TCF7L1: variants seen among roughly 807,000 people sequenced by gnomAD.
TCF7L1 encodes transcription factor 7 like 1.
Under a neutral mutation model 63.7 loss-of-function variants are expected in TCF7L1, and 18 were observed. That is an observed-to-expected ratio of 0.28 (90% CI 0.20 to 0.42). The LOEUF (loss-of-function observed/expected upper bound fraction) is 0.42. Ranked by LOEUF, TCF7L1 falls within the 10% of genes least tolerant of loss-of-function variation. The probability of loss-of-function intolerance (pLI) is 1.00; values close to 1 mark genes in which losing one functional copy is unlikely to be tolerated. For missense variants in TCF7L1, 654 were observed against 779.3 expected, an observed-to-expected ratio of 0.84 and a Z score of 1.91; for synonymous variants, 355 against 340.9, an observed-to-expected ratio of 1.04 and a Z score of -0.46.
chr2:85,282,288 A>G (rs1346039712), intron 3 of TCF7L1, among the ~76,000 whole-genome samples: 1 of 152,150 alleles, frequency 6.6e-6, no homozygotes, highest in East Asian at 1.9e-4. Flanking sequence ...GCACCCAGCC[A>G]AAGACTTCTT....
chr2:85,178,817 GAC>G lies in TCF7L1; in HGVS notation c.441+44370_441+44371del, dbSNP rs1202689082. Reference sequence around the variant, plus strand: ...GACAGGCGGCAGGGCTGTGATTTTAGACACTCTTGTCTTAGGTGTCTCAAGGT... The same window carrying G: ...GACAGGCGGCAGGGCTGTGATTTTAGACTCTTGTCTTAGGTGTCTCAAGGT... On this transcript the variant is annotated intron_variant, in intron 3 of 11. Coordinates refer to ENST00000282111, the MANE Select transcript of TCF7L1 (RefSeq NM_031283.3). 4.6e-5 allele frequency among the ~76,000 whole-genome samples: 7 copies of G among 152,248 alleles called. No individual in the cohort carries two copies. In the East Asian group the frequency reaches 9.6e-4, roughly 21 times the overall value.
chr2:85,264,441 T>C (rs1411337171), intron 3 of TCF7L1, among the ~76,000 whole-genome samples: 1 of 152,062 alleles, frequency 6.6e-6, no homozygotes, highest in Non-Finnish European at 1.5e-5. Flanking sequence ...TGGTCAGTGA[T>C]TGGGTTTCAG....
At position 85,299,888 on chromosome 2, in the gene TCF7L1, C is replaced by CACACACACACACACACACACAT. The variant is rs1166355994; in HGVS notation, c.526-2580_526-2579insACACATACACACACACACACAC. Among the ~76,000 whole-genome samples, 77 of 151,524 alleles carry CACACACACACACACACACACAT rather than the reference C, an allele frequency of 5.1e-4. 1 individual carries two copies. In the Middle Eastern group the frequency reaches 0.014, roughly 27 times the overall value. On this transcript the variant is annotated intron_variant, in intron 4 of 11. Transcript: ENST00000282111. The stretch of plus-strand genomic sequence containing the variant: ...ACACACACACACACACACACACACA[C>CACACACACACACACACACACAT]ACACACACACACACACTGATGCCCA...
chr2:85,305,421 TG>T lies in TCF7L1; in HGVS notation c.989+20del. 1 of 1,592,886 alleles carries T rather than the reference TG, an allele frequency of 6.3e-7. No homozygotes were observed. The highest frequency in any genetic ancestry group is 8.6e-7 in the Non-Finnish European group (1 of 1,169,008). On this transcript the variant is annotated intron_variant, in intron 8 of 11. Coordinates refer to ENST00000282111, the MANE Select transcript of TCF7L1 (RefSeq NM_031283.3). ...GTGAGCGTGTAAGTAAGCGGCAGCCTGGATTCAGGTGGGAGGGTGCAGGCTG... is the reference window on the plus strand; with the variant it reads ...GTGAGCGTGTAAGTAAGCGGCAGCCTGATTCAGGTGGGAGGGTGCAGGCTG...
intron 8 of TCF7L1, among the ~76,000 whole-genome samples, chr2:85,305,866 CT>C (rs1043087271): frequency 2.0e-5 from 3 of 152,156 alleles, no homozygotes; most frequent in Non-Finnish European, 4.4e-5. Context: ...CCCCTCCCAA[CT>C]TGGTTCTGCC....
intron 3 of TCF7L1, among the ~76,000 whole-genome samples, chr2:85,277,100 G>A (rs1011970064): frequency 6.6e-6 from 1 of 152,040 alleles, no homozygotes; most frequent in Admixed American, 6.6e-5. Flanking sequence ...GAAGGATAGG[G>A]TGGTGTGGGA....
intron 3 of TCF7L1, among the ~76,000 whole-genome samples, chr2:85,194,436 G>A (rs1679106383): frequency 1.3e-5 from 2 of 152,198 alleles, no homozygotes; most frequent in South Asian, 4.1e-4. Context: ...GGCTGAGGCA[G>A]GAGAATCAGG....
chr2:85,135,371 G>T (rs1287756025), intron 3 of TCF7L1, among the ~76,000 whole-genome samples: 1 of 152,140 alleles, frequency 6.6e-6, no homozygotes, highest in Non-Finnish European at 1.5e-5. Context: ...TACCTACTGT[G>T]TGCCAGGTTC....
chr2:85,283,579 G>T lies in TCF7L1; in HGVS notation c.525+1G>T, dbSNP rs1413355647. On this transcript the variant is annotated splice_donor_variant, in intron 4 of 11. Transcript: ENST00000282111. LOFTEE classifies it high-confidence loss of function. ...GAGGTCACCATCTCCAGCACACTTG[G>T]TAAGTCTGTTTCACCTTAAAGCACC... 2 of 1,614,140 alleles carry T rather than the reference G, an allele frequency of 1.2e-6. No individual in the cohort carries two copies. The highest frequency in any genetic ancestry group is 8.5e-7 in the Non-Finnish European group (1 of 1,180,008).
At chr2:85,284,114 G>C (rs560396864) in intron 4 of TCF7L1, among the ~76,000 whole-genome samples, 4 of 152,302 alleles carry the variant, frequency 2.6e-5, no homozygotes, top group South Asian at 2.1e-4. Context: ...AGGTTCAAGC[G>C]ATTCTCCTGC....
At chr2:85,294,380 G>A (rs546582500) in intron 4 of TCF7L1, among the ~76,000 whole-genome samples, 5 of 151,994 alleles carry the variant, frequency 3.3e-5, no homozygotes, top group African/African-American at 1.2e-4. Context: ...TTCAACTCTG[G>A]GTGAATCACA....
At chr2:85,158,506 C>G (rs1032397355) in intron 3 of TCF7L1, among the ~76,000 whole-genome samples, 7 of 152,204 alleles carry the variant, frequency 4.6e-5, no homozygotes, top group Non-Finnish European at 7.3e-5. Context: ...TCTGCCCAAA[C>G]TCTTGCCTGA....
chr2:85,201,396 G>T (rs986917336), intron 3 of TCF7L1, among the ~76,000 whole-genome samples: 1 of 152,122 alleles, frequency 6.6e-6, no homozygotes, highest in African/African-American at 2.4e-5. Context: ...GGATATTTGT[G>T]GTAGTAAATG....
At chr2:85,183,284 A>G (rs1371900264) in intron 3 of TCF7L1, among the ~76,000 whole-genome samples, 1 of 152,174 alleles carries the variant, frequency 6.6e-6, no homozygotes, top group Non-Finnish European at 1.5e-5. Context: ...CAGATCATGA[A>G]TGGAGGTCAT....
At chr2:85,238,326 G>C (rs927684814) in intron 3 of TCF7L1, among the ~76,000 whole-genome samples, 6 of 152,186 alleles carry the variant, frequency 3.9e-5, no homozygotes, top group Non-Finnish European at 7.4e-5. Flanking sequence ...CTTCAGCTGG[G>C]GCAGGGAAGG....
rs1170677007 is a variant in TCF7L1, at chr2:85,152,465, C to T, written c.441+18015C>T. On this transcript the variant is annotated intron_variant, in intron 3 of 11. Coordinates refer to ENST00000282111, the MANE Select transcript of TCF7L1 (RefSeq NM_031283.3). ...TTTTTTTTTTTTTGAGACAGAGTCT[C>T]ACTCTGTCACCGAGGCTGGAGTGCA... Among the ~76,000 whole-genome samples, 4 of 135,872 alleles carry T rather than the reference C, an allele frequency of 2.9e-5. No homozygotes were observed. In the Admixed American group the frequency reaches 3.2e-4, roughly 11 times the overall value. 89.1% of individuals were successfully genotyped at this position (135,872 alleles called of 152,430 possible). A position where few individuals can be genotyped will look rare whatever the true frequency, so the allele number is the denominator to read the frequency against.
rs1355139807 is a variant in TCF7L1, at chr2:85,134,840, G to A, written c.441+390G>A. On this transcript the variant is annotated intron_variant, in intron 3 of 11. Coordinates refer to ENST00000282111, the MANE Select transcript of TCF7L1 (RefSeq NM_031283.3). This position sits in a 1 kb window ranked among gnomAD's most constrained non-coding sequence, Gnocchi z 5.0. ...GGGCCTAGGGAGCTGGGTTGGCGAC[G>A]TTGTCCTCCGACTCCGGGTTCACTG... Among the ~76,000 whole-genome samples the A allele has an allele frequency of 6.6e-6, 1 of 152,106 alleles. No individual in the cohort carries two copies. The highest frequency in any genetic ancestry group is 2.4e-5 in the African/African-American group (1 of 41,440).
At chr2:85,255,535 CCTGAGGCACCTGCT>C (rs1472174974) in intron 3 of TCF7L1, among the ~76,000 whole-genome samples, 1 of 152,162 alleles carries the variant, frequency 6.6e-6, no homozygotes, top group African/African-American at 2.4e-5. Flanking sequence ...AGGGCAGGGG[CCTGAGGCACCTGCT>C]TCCTGTTCTG....
chr2:85,280,901 C>G (rs1453567855), intron 3 of TCF7L1, among the ~76,000 whole-genome samples: 5 of 152,100 alleles, frequency 3.3e-5, no homozygotes, highest in African/African-American at 1.2e-4. Context: ...TTAGGAAAAG[C>G]TTCGTGACTT....
Sources: allele counts gnomAD v4.1 joint callset (sites outside exome capture counted in the v4.1 genomes callset), GRCh38; gene constraint gnomAD v4.1.1; non-coding constraint Gnocchi (gnomAD v3.1); transcripts MANE v1.5; gene names NCBI Gene and HGNC (gene_info 2026-07-23, HGNC 2026-07-21).